Variants in ADAMTSL1 observed in about 807,000 individuals in gnomAD.
ADAMTSL1 encodes the protein ADAMTS-like protein 1.
Under a neutral mutation model 201.8 loss-of-function variants are expected in ADAMTSL1, and 126 were observed. The observed-to-expected ratio is 0.62, with a 90% CI of 0.54 to 0.72. The LOEUF (loss-of-function observed/expected upper bound fraction) is 0.72, where lower values mean the gene tolerates loss of function less well. Ranked by LOEUF, ADAMTSL1 falls within the 30% of genes least tolerant of loss-of-function variation. The pLI is 0.00. For missense variants in ADAMTSL1, 2,679 were observed against 2,277.8 expected (o/e 1.18, Z -3.59); for synonymous variants, 1,121 against 903.4 (o/e 1.24, Z -4.32).
intron 2 of ADAMTSL1, among the ~76,000 whole-genome samples, chr9:18,165,441 G>A (rs1291569460): frequency 6.6e-6 from 1 of 151,616 alleles, no homozygotes; most frequent in Admixed American, 6.6e-5. Context: ...AGCATCAAAG[G>A]GTGTCATAAA....
chr9:18,016,510 A>C (rs1056897015), intron 1 of ADAMTSL1, among the ~76,000 whole-genome samples: 1 of 152,028 alleles, frequency 6.6e-6, no homozygotes, highest in African/African-American at 2.4e-5. Flanking sequence ...CAACATTTGC[A>C]AGATACCTGA....
chr9:18,559,392 C>T (rs1358498511), intron 3 of ADAMTSL1, among the ~76,000 whole-genome samples: 3 of 152,126 alleles, frequency 2.0e-5, no homozygotes, highest in Non-Finnish European at 4.4e-5. Context: ...CAGTACCATG[C>T]TGTTTTGGTT....
intron 2 of ADAMTSL1, among the ~76,000 whole-genome samples, chr9:18,391,797 C>CAACT (rs912325169): frequency 2.7e-5 from 4 of 148,660 alleles, no homozygotes; most frequent in African/African-American, 4.9e-5. Flanking sequence ...AGTCCTGAAT[C>CAACT]AACTACTTTT....
chr9:18,658,910 T>A (rs1347136948), intron 8 of ADAMTSL1, among the ~76,000 whole-genome samples: 1 of 152,244 alleles, frequency 6.6e-6, no homozygotes, highest in Non-Finnish European at 1.5e-5. Context: ...GATTGTTAGA[T>A]CAAGGAATTT....
intron 4 of ADAMTSL1, among the ~76,000 whole-genome samples, chr9:18,614,105 G>C (rs939514982): frequency 6.6e-6 from 1 of 152,180 alleles, no homozygotes; most frequent in Non-Finnish European, 1.5e-5. Context: ...GAACAGCAAA[G>C]AGACTGAGCC....
intron 2 of ADAMTSL1, among the ~76,000 whole-genome samples, chr9:18,389,716 G>A (rs537480130): frequency 2.2e-4 from 34 of 152,192 alleles, no homozygotes; most frequent in South Asian, 1.0e-3. Flanking sequence ...GGAGTTAATC[G>A]TGGTGAGTAC....
At chr9:18,859,084 T>G (rs1377224261) in intron 23 of ADAMTSL1, among the ~76,000 whole-genome samples, 1 of 152,244 alleles carries the variant, frequency 6.6e-6, no homozygotes, top group Non-Finnish European at 1.5e-5. Context: ...GAAATCTGTA[T>G]TAACTTGATT....
chr9:17,986,482 CAGAA>C (rs1225802643), intron 1 of ADAMTSL1, among the ~76,000 whole-genome samples: 5 of 152,044 alleles, frequency 3.3e-5, no homozygotes, highest in African/African-American at 1.2e-4. Context: ...GAACAATTAT[CAGAA>C]AGAAGAATGA....
At chr9:18,433,044 ATAACT>A (rs1819565781) in intron 2 of ADAMTSL1, among the ~76,000 whole-genome samples, 1 of 152,124 alleles carries the variant, frequency 6.6e-6, no homozygotes, top group African/African-American at 2.4e-5. Flanking sequence ...ATCTTTTAAA[ATAACT>A]TTGGCTAGAT....
chr9:18,429,201 T>G (rs1819371436), intron 2 of ADAMTSL1, among the ~76,000 whole-genome samples: 1 of 152,194 alleles, frequency 6.6e-6, no homozygotes, highest in Non-Finnish European at 1.5e-5. Flanking sequence ...TGCCACTAGA[T>G]CAGCTATACT....
At chr9:18,467,203 T>A (rs1056367384) in intron 2 of ADAMTSL1, among the ~76,000 whole-genome samples, 4 of 152,172 alleles carry the variant, frequency 2.6e-5, no homozygotes, top group African/African-American at 7.2e-5. Context: ...GGGTAGCAGG[T>A]GAAAAGTACC....
chr9:18,196,899 C>G (rs1028790161), intron 2 of ADAMTSL1, among the ~76,000 whole-genome samples: 1 of 152,026 alleles, frequency 6.6e-6, no homozygotes, highest in Non-Finnish European at 1.5e-5. Context: ...ACAAGTGTCC[C>G]CTCCTCAAAG....
At chr9:18,290,299 T>G (rs555287695) in intron 2 of ADAMTSL1, among the ~76,000 whole-genome samples, 98 of 149,666 alleles carry the variant, frequency 6.5e-4, no homozygotes, top group Non-Finnish European at 1.6e-4. Flanking sequence ...TTTTTTCTAG[T>G]GCTGCAGGGG....
rs117069076 is a variant in ADAMTSL1, at chr9:18,319,029, C to A, written c.207+155048C>A. On this transcript the variant is annotated intron_variant, in intron 2 of 29. Coordinates refer to the ADAMTSL1 transcript ENST00000680146. ...TTTGAGACTAGCCTGGGCAATATAG[C>A]AAGACCCCATCTCAACAAACAATTT... 6.1e-4 allele frequency among the ~76,000 whole-genome samples: 93 copies of A among 152,198 alleles called. 1 individual carries two copies. The East Asian group carries it at 0.014, about 22-fold the overall frequency.
At chr9:18,026,468 G>A (rs571469383) in intron 1 of ADAMTSL1, among the ~76,000 whole-genome samples, 1 of 152,146 alleles carries the variant, frequency 6.6e-6, no homozygotes, top group East Asian at 1.9e-4. Flanking sequence ...AGATGATAAT[G>A]TGGTTTTTAT....
At chr9:18,527,358 G>C (rs1328260591) in intron 2 of ADAMTSL1, among the ~76,000 whole-genome samples, 1 of 152,256 alleles carries the variant, frequency 6.6e-6, no homozygotes, top group Non-Finnish European at 1.5e-5. Context: ...AGAATGACCA[G>C]ATTTTCTTGA....
chr9:18,221,668 TTTC>T (rs1830264470), intron 2 of ADAMTSL1, among the ~76,000 whole-genome samples: 1 of 152,178 alleles, frequency 6.6e-6, no homozygotes, highest in African/African-American at 2.4e-5. Flanking sequence ...TCCATTATAA[TTTC>T]TTCTTATTTA....
intron 20 of ADAMTSL1, among the ~76,000 whole-genome samples, chr9:18,810,716 G>A (rs771375727): frequency 4.6e-5 from 7 of 152,088 alleles, no homozygotes; most frequent in Non-Finnish European, 7.4e-5. Flanking sequence ...TGTGCATGAA[G>A]TTCTGTATTT....
intron 2 of ADAMTSL1, among the ~76,000 whole-genome samples, chr9:18,323,254 G>A (rs1834696993): frequency 6.6e-6 from 1 of 152,064 alleles, no homozygotes; most frequent in African/African-American, 2.4e-5. Flanking sequence ...AATCAATGTG[G>A]CATACCACAA....
Sources: allele counts gnomAD v4.1 joint callset (sites outside exome capture counted in the v4.1 genomes callset), GRCh38; gene constraint gnomAD v4.1.1; transcripts MANE v1.5; gene names NCBI Gene and HGNC (gene_info 2026-07-23, HGNC 2026-07-21).